Variants in SYNJ2 observed in about 807,000 individuals in gnomAD.
SYNJ2 encodes the protein synaptojanin 2.
In SYNJ2, 116 loss-of-function variants were observed where a neutral mutation model predicts 141.3. The ratio of observed to expected loss-of-function variants is 0.82; its 90% CI spans 0.71 to 0.96. The LOEUF is 0.96. Among genes scored for constraint, SYNJ2 ranks in the 40% least tolerant of loss-of-function variants. The pLI, the probability that SYNJ2 is intolerant of heterozygous loss-of-function variation, is 0.00. For missense variants in SYNJ2, 1,873 were observed against 1,934.8 expected (o/e 0.97, Z 0.60); for synonymous variants, 745 against 777.7 (o/e 0.96, Z 0.70).
At chr6:158,087,285 C>G (rs1454909696) in intron 23 of SYNJ2, among the ~76,000 whole-genome samples, 2 of 152,292 alleles carry the variant, frequency 1.3e-5, no homozygotes, top group East Asian at 1.9e-4. Flanking sequence ...GAATGGGGGC[C>G]GCAGCCATGG....
At chr6:158,078,414 A>G in intron 18 of SYNJ2, 133 bp downstream of exon 18, 3 of 594,142 alleles carry the variant, frequency 5.0e-6, no homozygotes. Flanking sequence ...CATACAATAC[A>G]CCAAAGAACA....
At chr6:158,081,893 A>T (rs1198177561) in intron 20 of SYNJ2, among the ~76,000 whole-genome samples, 1 of 151,820 alleles carries the variant, frequency 6.6e-6, no homozygotes, top group Non-Finnish European at 1.5e-5. Context: ...GGCTCCAGTC[A>T]TCCTCCCGCC....
chr6:158,063,522 G>A (rs1221975590), intron 8 of SYNJ2, among the ~76,000 whole-genome samples: 1 of 151,988 alleles, frequency 6.6e-6, no homozygotes, highest in African/African-American at 2.4e-5. Flanking sequence ...AGCCGGGTGT[G>A]ATGGCACGCA....
chr6:158,067,986 G>A, intron 12 of SYNJ2: 4 of 985,310 alleles, frequency 4.1e-6, no homozygotes, highest in Non-Finnish European at 3.6e-6. Flanking sequence ...TTTTTAGCAA[G>A]CTGGCTGGTA....
intron 5 of SYNJ2, among the ~76,000 whole-genome samples, chr6:158,052,763 G>A (rs992027813): frequency 6.6e-6 from 1 of 152,126 alleles, no homozygotes; most frequent in African/African-American, 2.4e-5. Context: ...GATTTGGAAG[G>A]GACACACATC....
intron 6 of SYNJ2, 89 bp from the exon 7 acceptor site, chr6:158,059,168 C>T: frequency 7.5e-7 from 1 of 1,339,166 alleles, no homozygotes; most frequent in Non-Finnish European, 9.8e-7. Context: ...AGCATGACTC[C>T]TGCCCCGTCT....
At chr6:158,038,600 C>T (rs781441856) in intron 4 of SYNJ2, among the ~76,000 whole-genome samples, 2 of 152,250 alleles carry the variant, frequency 1.3e-5, no homozygotes, top group Non-Finnish European at 2.9e-5. Flanking sequence ...GGAGCTGTCA[C>T]TTCCCAGCGC....
chr6:158,083,953 TC>T (rs1348095196), intron 21 of SYNJ2, 47 bp from the exon 22 acceptor site: 1 of 1,598,212 alleles, frequency 6.3e-7, no homozygotes, highest in Non-Finnish European at 8.6e-7. Flanking sequence ...ACTGAGCCTT[TC>T]CCCCTCATTG....
At chr6:157,993,669 G>C (rs1777531663) in intron 1 of SYNJ2, among the ~76,000 whole-genome samples, 1 of 145,774 alleles carries the variant, frequency 6.9e-6, no homozygotes, top group Admixed American at 6.8e-5. Context: ...TAGTTTGAGG[G>C]CCATGGCATT....
intron 7 of SYNJ2, among the ~76,000 whole-genome samples, chr6:158,060,258 G>A (rs974778557): frequency 1.3e-5 from 2 of 152,054 alleles, no homozygotes; most frequent in African/African-American, 4.8e-5. Flanking sequence ...ACAGATCCTG[G>A]GCAGGGTCAC....
At chr6:158,033,026 T>C (rs1779448914) in intron 3 of SYNJ2, among the ~76,000 whole-genome samples, 1 of 152,264 alleles carries the variant, frequency 6.6e-6, no homozygotes, top group East Asian at 1.9e-4. Flanking sequence ...TAATCACTTA[T>C]TGATCATGAT....
intron 5 of SYNJ2, among the ~76,000 whole-genome samples, chr6:158,053,874 A>G (rs947716350): frequency 6.7e-6 from 1 of 148,242 alleles, no homozygotes; most frequent in Admixed American, 6.7e-5. Flanking sequence ...CCATCCACCC[A>G]CCTATCCATC....
chr6:158,079,970 C>T (rs1258799545), intron 18 of SYNJ2, among the ~76,000 whole-genome samples: 1 of 152,050 alleles, frequency 6.6e-6, no homozygotes, highest in Non-Finnish European at 1.5e-5. Context: ...AGGCCAGAGT[C>T]GAGCTATTTT....
At position 158,076,727 on chromosome 6, in the gene SYNJ2, C is replaced by T. The variant is rs773447167; in HGVS notation, c.2394C>T (p.Pro798=). 1.2e-5 allele frequency: 20 copies of T among 1,614,082 alleles called. No individual in the cohort carries two copies. Among genetic ancestry groups the T allele is most frequent in the South Asian group, 9.9e-5 (9 of 91,078 alleles). ...ATACAAGCGACAAATGCCGCACCCC[C>T]GCCTGGACAGACAGGGTGCTGTGGT... ...AYDTSDKCRT[P]AWTDRVLWWR... is the part of the protein sequence containing the mutation. The change falls in exon 17 of 27, where the codon CCC becomes CCT. Residue 798 remains proline (P), a synonymous_variant. Coordinates refer to ENST00000355585, the MANE Select transcript of SYNJ2 (RefSeq NM_003898.4).
intron 25 of SYNJ2, among the ~76,000 whole-genome samples, chr6:158,090,429 T>C (rs1783358416): frequency 6.6e-6 from 1 of 152,172 alleles, no homozygotes; most frequent in Non-Finnish European, 1.5e-5. Flanking sequence ...TACCTTGGGC[T>C]CTCCCCCACT....
At chr6:158,088,978 T>C (rs918686163) in intron 24 of SYNJ2, among the ~76,000 whole-genome samples, 1 of 152,152 alleles carries the variant, frequency 6.6e-6, no homozygotes, top group African/African-American at 2.4e-5. Flanking sequence ...AAATCACTTT[T>C]GATGAAAAAT....
intron 5 of SYNJ2, among the ~76,000 whole-genome samples, chr6:158,046,958 C>T (rs77991260): frequency 0.015 from 2,329 of 152,032 alleles, 24 homozygotes; most frequent in Non-Finnish European, 0.019. Flanking sequence ...TTTGAAGTTT[C>T]CTGCAACTGA....
At chr6:158,034,608 A>T (rs1779542448) in intron 4 of SYNJ2, among the ~76,000 whole-genome samples, 1 of 152,232 alleles carries the variant, frequency 6.6e-6, no homozygotes, top group Non-Finnish European at 1.5e-5. Context: ...ACATCAGAGC[A>T]GGGGGCCCTA....
rs989847183 is a variant in SYNJ2 at position 158,098,190 on chromosome 6, G to C, written c.*1826G>C. On this transcript the variant is annotated 3_prime_UTR_variant, in exon 27 of 27. Coordinates refer to ENST00000355585, the MANE Select transcript of SYNJ2 (RefSeq NM_003898.4). ...GAGATAAATTTGAAAACAGATAAAT[G>C]TAACAACCAGTCAAAGAAGCAGGGG... 2.0e-5 allele frequency: 3 copies of C among 152,184 alleles called. No individual in the cohort carries two copies. The highest frequency in any genetic ancestry group is 7.2e-5 in the African/African-American group (3 of 41,444). The allele number at this position is 152,184 out of a possible 1,614,324, so 9.4% of individuals were successfully genotyped here. A position where few individuals can be genotyped will look rare whatever the true frequency, so the allele number is the denominator to read the frequency against.
Sources: allele counts gnomAD v4.1 joint callset (sites outside exome capture counted in the v4.1 genomes callset), GRCh38; gene constraint gnomAD v4.1.1; transcripts MANE v1.5; gene names NCBI Gene and HGNC (gene_info 2026-07-23, HGNC 2026-07-21).